Variants in ANKRD30A observed in about 807,000 individuals in gnomAD.
ANKRD30A encodes ankyrin repeat domain 30A.
In ANKRD30A, 170 loss-of-function variants were observed where a neutral mutation model predicts 166.3. That is an observed-to-expected ratio of 1.02 (90% CI 0.90 to 1.16). The LOEUF is 1.16. Ranked by LOEUF, ANKRD30A falls within the 50% of genes most tolerant of loss-of-function variation. The pLI, the probability that ANKRD30A is intolerant of heterozygous loss-of-function variation, is 0.00. For missense variants in ANKRD30A, 1,630 were observed against 1,518.0 expected (o/e 1.07, Z -1.23); for synonymous variants, 564 against 508.9 (o/e 1.11, Z -1.46).
intron 12 of ANKRD30A, among the ~76,000 whole-genome samples, chr10:37,153,009 A>T (rs998728082): frequency 6.6e-6 from 1 of 152,124 alleles, no homozygotes; most frequent in Non-Finnish European, 1.5e-5. Flanking sequence ...TATCACCATA[A>T]ATTTTGTCTA....
intron 34 of ANKRD30A, among the ~76,000 whole-genome samples, chr10:37,223,308 A>G (rs1842978107): frequency 6.6e-6 from 1 of 151,286 alleles, no homozygotes; most frequent in Admixed American, 6.6e-5. Context: ...AAAATGGTTA[A>G]TAGAAAAAGA....
the ANKRD30A span, among the ~76,000 whole-genome samples, chr10:37,247,811 G>A: frequency 6.6e-6 from 1 of 151,344 alleles, no homozygotes; most frequent in African/African-American, 2.4e-5. Context: ...GAACCCGGGA[G>A]GCGGAGCTTG....
chr10:37,247,661 G>A, the ANKRD30A span, among the ~76,000 whole-genome samples: 1 of 151,336 alleles, frequency 6.6e-6, no homozygotes, highest in East Asian at 2.0e-4. Context: ...CACAAGGTCA[G>A]GGGATCGAGA....
the ANKRD30A span, among the ~76,000 whole-genome samples, chr10:37,259,797 TA>T: frequency 6.6e-6 from 1 of 152,208 alleles, no homozygotes; most frequent in Admixed American, 6.5e-5. Flanking sequence ...TGATAGTAGC[TA>T]CTCTTTTGGG....
At chr10:37,233,339 G>T (rs74997375), downstream of ANKRD30A, among the ~76,000 whole-genome samples, 1,635 of 152,222 alleles carry the variant, frequency 0.011, 10 homozygotes, top group Non-Finnish European at 0.018. Flanking sequence ...TGTACAAAAA[G>T]AGGAAGAATG....
chr10:37,260,135 C>A, the ANKRD30A span, among the ~76,000 whole-genome samples: 64 of 143,410 alleles, frequency 4.5e-4, no homozygotes, highest in Middle Eastern at 3.7e-3. Flanking sequence ...ATAAAAAGGA[C>A]AAAAAAAAAA....
chr10:37,242,734 T>C, the ANKRD30A span, among the ~76,000 whole-genome samples: 1 of 152,218 alleles, frequency 6.6e-6, no homozygotes, highest in African/African-American at 2.4e-5. Flanking sequence ...AAATCACCTT[T>C]TACTGTATGA....
chr10:37,190,827 T>G (rs1403966675), intron 25 of ANKRD30A, among the ~76,000 whole-genome samples: 1 of 151,742 alleles, frequency 6.6e-6, no homozygotes, highest in Admixed American at 6.6e-5. Flanking sequence ...TATAGATATA[T>G]ATATATAGAT....
chr10:37,248,770 C>T, the ANKRD30A span, among the ~76,000 whole-genome samples: 1 of 151,522 alleles, frequency 6.6e-6, no homozygotes, highest in African/African-American at 2.4e-5. Context: ...CTCAGAAACC[C>T]ATGCAGATGC....
At chr10:37,214,126 CTTGA>C (rs1842483571) in intron 31 of ANKRD30A, among the ~76,000 whole-genome samples, 1 of 151,544 alleles carries the variant, frequency 6.6e-6, no homozygotes, top group South Asian at 2.1e-4. Context: ...GTTATGTTTT[CTTGA>C]TTAAGTGAAC....
chr10:37,210,809 G>C lies in ANKRD30A; in HGVS notation c.2870-5372G>C, dbSNP rs181802799. Among the ~76,000 whole-genome samples the C allele has an allele frequency of 1.1e-3, 169 of 152,142 alleles. 1 individual carries two copies. Among genetic ancestry groups the C allele is most frequent in the African/African-American group, 3.6e-3 (150 of 41,500 alleles). On this transcript the variant is annotated intron_variant, in intron 31 of 35. Coordinates refer to ENST00000361713, the MANE Select transcript of ANKRD30A (RefSeq NM_052997.3). Reference sequence around the variant, plus strand: ...CATATCCTTTGCTCACTTTATGATGGGGTTGTTTGTTTTTTCCTTGTAAAT... The same window carrying C: ...CATATCCTTTGCTCACTTTATGATGCGGTTGTTTGTTTTTTCCTTGTAAAT...
intron 6 of ANKRD30A, among the ~76,000 whole-genome samples, chr10:37,137,313 G>A (rs1339041934): frequency 6.6e-6 from 1 of 152,182 alleles, no homozygotes; most frequent in Non-Finnish European, 1.5e-5. Flanking sequence ...AAAGGGATGG[G>A]TGATTTCTGC....
chr10:37,155,787 T>G (rs1157243914), intron 13 of ANKRD30A, among the ~76,000 whole-genome samples: 2 of 152,174 alleles, frequency 1.3e-5, no homozygotes, highest in African/African-American at 4.8e-5. Flanking sequence ...TTTTCATTTA[T>G]TTTAAGATTT....
intron 18 of ANKRD30A, among the ~76,000 whole-genome samples, chr10:37,165,429 G>C (rs549273977): frequency 2.0e-5 from 3 of 152,328 alleles, no homozygotes; most frequent in East Asian, 3.9e-4. Context: ...ATGGGATCTG[G>C]AGTACGTTTG....
intron 11 of ANKRD30A, 98 bp downstream of exon 11, chr10:37,149,947 T>C: frequency 6.7e-7 from 1 of 1,496,268 alleles, no homozygotes; most frequent in African/African-American, 1.4e-5. Context: ...TCAACTTTGA[T>C]GAAAACATTT....
chr10:37,260,329 T>G, the ANKRD30A span, among the ~76,000 whole-genome samples: 1 of 152,188 alleles, frequency 6.6e-6, no homozygotes, highest in African/African-American at 2.4e-5. Flanking sequence ...CTTCCTTCCC[T>G]TTTAATAAAG....
At chr10:37,153,228 G>T (rs1016560816) in intron 12 of ANKRD30A, among the ~76,000 whole-genome samples, 1 of 152,276 alleles carries the variant, frequency 6.6e-6, no homozygotes, top group East Asian at 1.9e-4. Flanking sequence ...TGTTTGAAAT[G>T]TCTTATTTAT....
chr10:37,153,668 A>G lies in ANKRD30A; in HGVS notation c.1798+6A>G. On this transcript the variant is annotated splice_donor_region_variant and intron_variant, in intron 13 of 35. Transcript: ENST00000361713. ...AATAAATGGAAAATTAGAAGGTAAG[A>G]ACCGTTTTTTATTTAAAAATCAGTT... 1 of 1,610,842 alleles carries G rather than the reference A, an allele frequency of 6.2e-7. No homozygotes were observed. Among genetic ancestry groups the G allele is most frequent in the Non-Finnish European group, 8.5e-7 (1 of 1,179,224 alleles).
intron 31 of ANKRD30A, among the ~76,000 whole-genome samples, chr10:37,204,582 C>CA (rs1275076619): frequency 1.3e-5 from 2 of 152,054 alleles, no homozygotes; most frequent in African/African-American, 4.8e-5. Context: ...ACTAAAACAC[C>CA]AAAAGCAATG....
Sources: allele counts gnomAD v4.1 joint callset (sites outside exome capture counted in the v4.1 genomes callset), GRCh38; gene constraint gnomAD v4.1.1; transcripts MANE v1.5; gene names NCBI Gene and HGNC (gene_info 2026-07-23, HGNC 2026-07-21).